MTMR4: variants seen among roughly 807,000 people sequenced by gnomAD.
MTMR4 encodes phosphatidylinositol-3,5-bisphosphate 3-phosphatase MTMR4.
In MTMR4, 30 loss-of-function variants were observed where a neutral mutation model predicts 125.5. The observed-to-expected ratio is 0.24, with a 90% CI of 0.18 to 0.32. The LOEUF is 0.32. Among genes scored for constraint, MTMR4 ranks in the 10% least tolerant of loss-of-function variants. The pLI is 1.00. For missense variants in MTMR4, 1,039 were observed against 1,511.5 expected (o/e 0.69, Z 5.18); for synonymous variants, 498 against 564.5 (o/e 0.88, Z 1.67).
Position 58,508,427 on chromosome 17 carries a change from T to A in MTMR4, c.593+41A>T. The A allele has an allele frequency of 1.3e-6, 2 of 1,585,914 alleles. No individual in the cohort carries two copies. The highest frequency in any genetic ancestry group is 1.1e-5 in the South Asian group (1 of 90,490). ...ACCACACTTTATCCAAACACGGAAG[T>A]AGTTTGGTGTGGAAGGTGTTTTGGT... On this transcript the variant is annotated intron_variant, in intron 6 of 17. Coordinates refer to ENST00000682306, the MANE Select transcript of MTMR4 (RefSeq NM_001378067.1). The surrounding 1 kb of genome is among the most constrained non-coding windows in gnomAD (Gnocchi z 4.8).
rs1975960324 is a variant in MTMR4 at position 58,512,523 on chromosome 17, A to G, written c.136-17T>C. The stretch of plus-strand genomic sequence containing the variant: ...GAAGGGGACCTGTCAAGGGGCAGAG[A>G]AACCTTCAGTCCAGAAGTGAGTGAC... On this transcript the variant is annotated splice_polypyrimidine_tract_variant and intron_variant, in intron 2 of 17. Transcript: ENST00000682306. The surrounding 1 kb of genome is among the most constrained non-coding windows in gnomAD (Gnocchi z 4.1). The G allele has an allele frequency of 6.3e-7, 1 of 1,588,646 alleles. No homozygotes were observed. Among genetic ancestry groups the G allele is most frequent in the Admixed American group, 1.7e-5 (1 of 59,968 alleles).
At chr17:58,517,891 A>G (rs534019096), upstream of MTMR4, 5 of 153,628 alleles carry the variant, frequency 3.3e-5, no homozygotes, top group East Asian at 9.6e-4. Context: ...GAGGCCGCGC[A>G]GTCCCGACCC....
chr17:58,503,199 G>A (rs1379863716), intron 14 of MTMR4, among the ~76,000 whole-genome samples: 1 of 152,084 alleles, frequency 6.6e-6, no homozygotes, highest in Non-Finnish European at 1.5e-5. Flanking sequence ...TCCCCTGCTT[G>A]GGTATATCAT....
At chr17:58,509,949 T>G (rs1164389554) in intron 4 of MTMR4, among the ~76,000 whole-genome samples, 1 of 152,136 alleles carries the variant, frequency 6.6e-6, no homozygotes, top group East Asian at 1.9e-4. Flanking sequence ...GCAAATCTTC[T>G]CATCTCCACC....
chr17:58,505,644 A>C, intron 9 of MTMR4, 61 bp from the exon 10 acceptor site: 120 of 1,204,368 alleles, frequency 1.0e-4, no homozygotes, highest in Non-Finnish European at 1.3e-4. Flanking sequence ...GCGGTGGCTC[A>C]CACCTGTAAT....
Position 58,495,486 on chromosome 17 carries a change from C to T in MTMR4, c.2698G>A (p.Glu900Lys). The T allele has an allele frequency of 6.2e-7, 1 of 1,614,260 alleles. No homozygotes were observed. The highest frequency in any genetic ancestry group is 1.3e-5 in the African/African-American group (1 of 75,076). Reference protein sequence around the residue: ...ENPRFGKMPLELVRKPISQSQ... With the variant: ...ENPRFGKMPLKLVRKPISQSQ... ...TGAGAAATTGGCTTCCGGACCAATT[C>T]CAATGGCATTTTCCCAAAGCGAGGA... is the stretch of plus-strand genomic sequence containing the variant. Residue 900 changes from glutamate (E) to lysine (K), a missense_variant, in exon 15 of 18, where the codon GAA becomes AAA. Glu to Lys is a moderately conservative substitution (Grantham distance 56). Coordinates refer to ENST00000682306, the MANE Select transcript of MTMR4 (RefSeq NM_001378067.1).
Position 58,506,880 on chromosome 17 carries a change from A to G in MTMR4, c.905-9T>C. 10 of 1,610,184 alleles carry G rather than the reference A, an allele frequency of 6.2e-6. No homozygotes were observed. The highest frequency in any genetic ancestry group is 8.5e-6 in the Non-Finnish European group (10 of 1,179,040). ...CGCAGTCAGAGAAGAATCTAAACAC[A>G]CAGCAGGAAGGAGTCCCTGAGTCAG... On this transcript the variant is annotated splice_polypyrimidine_tract_variant and intron_variant, in intron 8 of 17. Transcript: ENST00000682306.
At chr17:58,499,105 T>C (rs1975550316) in intron 14 of MTMR4, among the ~76,000 whole-genome samples, 1 of 152,154 alleles carries the variant, frequency 6.6e-6, no homozygotes, top group East Asian at 1.9e-4. Flanking sequence ...GACTTCCTAT[T>C]GACAACTGAA....
intron 4 of MTMR4, chr17:58,510,836 C>T (rs1157308515): frequency 6.6e-6 from 1 of 152,216 alleles, no homozygotes; most frequent in Non-Finnish European, 1.5e-5. Flanking sequence ...CTTGGCCACC[C>T]GAAGTGCTGG....
chr17:58,514,474 G>A lies in MTMR4; in HGVS notation c.-67C>T, dbSNP rs530570351. On this transcript the variant is annotated 5_prime_UTR_variant, in exon 1 of 18. Transcript: ENST00000682306. ...GCTGCGCTGCCCGCCAGCCCCGGGCGCCCGCCGCATCCCGGCTGCGGGGCT... is the reference window on the plus strand; with the variant it reads ...GCTGCGCTGCCCGCCAGCCCCGGGCACCCGCCGCATCCCGGCTGCGGGGCT... 2,477 of 984,880 alleles carry A rather than the reference G, an allele frequency of 2.5e-3. 56 individuals are homozygous for A. The African/African-American group carries it at 0.04, about 16-fold the overall frequency. The allele number at this position is 984,880 out of a possible 1,614,324, so 61.0% of individuals were successfully genotyped here.
At chr17:58,514,679 G>A, upstream of MTMR4, 4 of 985,032 alleles carry the variant, frequency 4.1e-6, no homozygotes, top group Non-Finnish European at 3.6e-6. Flanking sequence ...GCGGGAAGGC[G>A]GAGGTAGAGG....
chr17:58,516,628 G>A (rs2042019511), upstream of MTMR4: 1 of 1,613,458 alleles, frequency 6.2e-7, no homozygotes, highest in Non-Finnish European at 8.5e-7. Flanking sequence ...ACTGTAAGGA[G>A]ACAGAGGAAC....
chr17:58,499,479 G>C (rs937488276), intron 14 of MTMR4, among the ~76,000 whole-genome samples: 1 of 152,062 alleles, frequency 6.6e-6, no homozygotes, highest in Non-Finnish European at 1.5e-5. Context: ...CCCGGTGGGC[G>C]GAGTGAGCTG....
chr17:58,496,437 G>T, intron 14 of MTMR4, 107 bp from the exon 15 acceptor site: 1 of 899,336 alleles, frequency 1.1e-6, no homozygotes. Context: ...TAGAAATAAT[G>T]ACACTTAAGA....
chr17:58,496,985 G>A (rs1369369320), intron 14 of MTMR4, among the ~76,000 whole-genome samples: 1 of 152,172 alleles, frequency 6.6e-6, no homozygotes, highest in Admixed American at 6.5e-5. Flanking sequence ...GCAGCAGTGT[G>A]CTCCTCTGCT....
At chr17:58,503,668 G>T in intron 14 of MTMR4, 76 bp downstream of exon 14, 1 of 1,468,972 alleles carries the variant, frequency 6.8e-7, no homozygotes, top group South Asian at 1.4e-5. Context: ...GAAAGAAAGA[G>T]AACATTTAGA....
At chr17:58,493,545 G>A (rs1975370541) in intron 15 of MTMR4, among the ~76,000 whole-genome samples, 1 of 152,074 alleles carries the variant, frequency 6.6e-6, no homozygotes, top group Admixed American at 6.5e-5. Context: ...GTAGAGATGG[G>A]GTTTCACCAT....
chr17:58,514,995 GC>G (rs973549792), upstream of MTMR4: 42 of 984,470 alleles, frequency 4.3e-5, no homozygotes, highest in African/African-American at 6.7e-4. Flanking sequence ...TACCCACCAT[GC>G]CCCTGCCCAT....
At chr17:58,503,031 A>T (rs1262704820) in intron 14 of MTMR4, among the ~76,000 whole-genome samples, 1 of 152,124 alleles carries the variant, frequency 6.6e-6, no homozygotes, top group African/African-American at 2.4e-5. Flanking sequence ...TCCTGCTGGG[A>T]ACCCATTTCC....
Sources: gnomAD v4.1 joint callset for allele counts (sites outside exome capture counted in the v4.1 genomes callset) on GRCh38, gnomAD v4.1.1 for gene constraint, Gnocchi (gnomAD v3.1) non-coding constraint, MANE v1.5 for transcripts, NCBI Gene and HGNC (gene_info 2026-07-23, HGNC 2026-07-21) for gene names.